TPST1: variants seen among roughly 807,000 people sequenced by gnomAD.
TPST1 encodes tyrosylprotein sulfotransferase 1.
In TPST1, 20 loss-of-function variants were observed where a neutral mutation model predicts 34.8. The observed-to-expected ratio is 0.57, with a 90% CI of 0.40 to 0.84. The LOEUF (loss-of-function observed/expected upper bound fraction) is 0.84. Ranked by LOEUF, TPST1 falls within the 40% of genes least tolerant of loss-of-function variation. TPST1 has a pLI of 0.00. For missense variants in TPST1, 353 were observed against 455.5 expected (o/e 0.78, Z 2.05); for synonymous variants, 152 against 159.4 (o/e 0.95, Z 0.35).
At chr7:66,215,832 G>C (rs1468419158) in intron 1 of TPST1, among the ~76,000 whole-genome samples, 1 of 144,594 alleles carries the variant, frequency 6.9e-6, no homozygotes, top group African/African-American at 2.6e-5. Context: ...GAGTGCAGTG[G>C]CACGATCTCG....
At chr7:66,297,595 G>A (rs1791228016) in intron 3 of TPST1, among the ~76,000 whole-genome samples, 1 of 152,190 alleles carries the variant, frequency 6.6e-6, no homozygotes, top group African/African-American at 2.4e-5. Flanking sequence ...GGAAACCTGA[G>A]TAGATAGTAC....
chr7:66,313,056 G>GA (rs57209573), intron 3 of TPST1, among the ~76,000 whole-genome samples: 1,757 of 145,482 alleles, frequency 0.012, 34 homozygotes, highest in East Asian at 0.084. Flanking sequence ...TAAGGATCCT[G>GA]AAAAAAAAAA....
intron 1 of TPST1, among the ~76,000 whole-genome samples, chr7:66,224,791 CT>C (rs1340477617): frequency 1.3e-5 from 2 of 151,116 alleles, no homozygotes; most frequent in African/African-American, 4.9e-5. Flanking sequence ...ATTTGGCCTG[CT>C]GGGAAAGAGC....
intron 2 of TPST1, among the ~76,000 whole-genome samples, chr7:66,258,193 C>T (rs916842722): frequency 3.3e-5 from 5 of 151,680 alleles, no homozygotes; most frequent in Admixed American, 3.3e-4. Flanking sequence ...ATTGTCTTTT[C>T]CCTCAATTTT....
At position 66,262,781 on chromosome 7, in the gene TPST1, G is replaced by A. The variant is rs182495936; in HGVS notation, c.845+21511G>A. ...GGAATCTGCTTGCTGATAAGGAAAT[G>A]TGTGTTGGGAGATATTTTAAAAAAT... is the stretch of plus-strand genomic sequence containing the variant. On this transcript the variant is annotated intron_variant, in intron 2 of 5. Transcript: ENST00000304842. 2.0e-4 allele frequency among the ~76,000 whole-genome samples: 31 copies of A among 152,246 alleles called. No individual in the cohort carries two copies. In the East Asian group the frequency reaches 4.8e-3, roughly 24 times the overall value.
intron 2 of TPST1, among the ~76,000 whole-genome samples, chr7:66,275,011 G>A (rs554174680): frequency 5.9e-5 from 9 of 152,122 alleles, no homozygotes; most frequent in Admixed American, 3.3e-4. Flanking sequence ...TGGCTAACAC[G>A]GTGAAACCCC....
chr7:66,349,842 A>G (rs1488617905), intron 3 of TPST1, among the ~76,000 whole-genome samples: 2 of 152,092 alleles, frequency 1.3e-5, no homozygotes, highest in South Asian at 4.2e-4. Flanking sequence ...AAAACAAATA[A>G]AACATTCTAG....
chr7:66,218,477 T>G (rs1210932205), intron 1 of TPST1, among the ~76,000 whole-genome samples: 1 of 152,236 alleles, frequency 6.6e-6, no homozygotes, highest in East Asian at 1.9e-4. Flanking sequence ...AGTACATGGT[T>G]GTACATGTGA....
chr7:66,277,295 G>A (rs930781710), intron 2 of TPST1, among the ~76,000 whole-genome samples: 14 of 152,118 alleles, frequency 9.2e-5, no homozygotes, highest in African/African-American at 1.7e-4. Flanking sequence ...AATTTCAACT[G>A]GTGTTCTCAA....
At chr7:66,248,679 T>G (rs12537083) in intron 2 of TPST1, among the ~76,000 whole-genome samples, 39,623 of 151,108 alleles carry the variant, frequency 0.26, 5,543 homozygotes, top group East Asian at 0.44. Context: ...AATTTTTTTT[T>G]TGTGTGTGTG....
At chr7:66,230,181 C>G (rs1789747215) in intron 1 of TPST1, among the ~76,000 whole-genome samples, 1 of 151,562 alleles carries the variant, frequency 6.6e-6, no homozygotes, top group Non-Finnish European at 1.5e-5. Flanking sequence ...GTGCAAGACT[C>G]TGTCTCAAAC....
chr7:66,272,794 C>T (rs183193859), intron 2 of TPST1, among the ~76,000 whole-genome samples: 1 of 152,042 alleles, frequency 6.6e-6, no homozygotes, highest in African/African-American at 2.4e-5. Context: ...GCCATGTTGC[C>T]CAGGCTAGTC....
chr7:66,317,041 CA>C (rs907330146), intron 3 of TPST1, among the ~76,000 whole-genome samples: 3 of 152,098 alleles, frequency 2.0e-5, no homozygotes, highest in African/African-American at 7.2e-5. Flanking sequence ...ACCTATAGAA[CA>C]AAACTGTACA....
chr7:66,202,918 A>C (rs1341852225), upstream of TPST1, among the ~76,000 whole-genome samples: 1 of 152,150 alleles, frequency 6.6e-6, no homozygotes, highest in Non-Finnish European at 1.5e-5. Flanking sequence ...TAATAAAACT[A>C]CAAAAAAATT....
intron 2 of TPST1, among the ~76,000 whole-genome samples, chr7:66,244,568 C>A (rs1790109325): frequency 6.6e-6 from 1 of 152,140 alleles, no homozygotes; most frequent in Non-Finnish European, 1.5e-5. Flanking sequence ...GAAAAGAAAG[C>A]AGAAGTAAAG....
upstream of TPST1, among the ~76,000 whole-genome samples, chr7:66,204,192 G>A (rs549664856): frequency 1.3e-5 from 2 of 152,088 alleles, no homozygotes; most frequent in Admixed American, 6.6e-5. Context: ...AAAAGGTGAT[G>A]TCTGTATAAT....
intron 3 of TPST1, among the ~76,000 whole-genome samples, chr7:66,313,145 G>GT (rs1289983880): frequency 6.6e-6 from 1 of 152,100 alleles, no homozygotes; most frequent in African/African-American, 2.4e-5. Flanking sequence ...GCCAGGCGCG[G>GT]TGGCTCATGC....
At chr7:66,244,861 G>C (rs1174676517) in intron 2 of TPST1, among the ~76,000 whole-genome samples, 1 of 152,102 alleles carries the variant, frequency 6.6e-6, no homozygotes, top group East Asian at 1.9e-4. Context: ...TACACTTAGG[G>C]CAGAAAGAGA....
At chr7:66,227,019 T>A (rs1039303451) in intron 1 of TPST1, among the ~76,000 whole-genome samples, 6 of 136,652 alleles carry the variant, frequency 4.4e-5, no homozygotes, top group Non-Finnish European at 9.4e-5. Context: ...TTGGATGCCT[T>A]AAAATAAGCT....
Sources: gnomAD v4.1 joint callset for allele counts (sites outside exome capture counted in the v4.1 genomes callset) on GRCh38, gnomAD v4.1.1 for gene constraint, MANE v1.5 for transcripts, NCBI Gene and HGNC (gene_info 2026-07-23, HGNC 2026-07-21) for gene names.